AK2: variants seen among roughly 807,000 people sequenced by gnomAD.
AK2 encodes adenylate kinase 2.
Under a neutral mutation model 24.6 loss-of-function variants are expected in AK2, and 15 were observed. That is an observed-to-expected ratio of 0.61 (90% CI 0.41 to 0.94). The LOEUF is 0.94. AK2 is among the 40% of genes least tolerant of loss of function. The probability of loss-of-function intolerance (pLI) is 0.00; values close to 1 mark genes in which losing one functional copy is unlikely to be tolerated. For missense variants in AK2, 257 were observed against 304.1 expected, an observed-to-expected ratio of 0.85 and a Z score of 1.15; for synonymous variants, 102 against 114.0, an observed-to-expected ratio of 0.90 and a Z score of 0.67.
chr1:33,019,579 G>A lies in AK2; in HGVS notation c.425+1788C>T, dbSNP rs993671471. ...ACATTTGAAAAGAAAATGAATATAA[G>A]GTAGAGTCCACTGTATTTCATATCG... On this transcript the variant is annotated intron_variant, in intron 4 of 5. Coordinates refer to ENST00000672715, the MANE Select transcript of AK2 (RefSeq NM_001625.4). 3.1e-6 allele frequency: 3 copies of A among 973,346 alleles called. No individual in the cohort carries two copies. The African/African-American group carries it at 5.3e-5, about 17-fold the overall frequency. The allele number at this position is 973,346 out of a possible 1,614,324, so 60.3% of individuals were successfully genotyped here. A position where few individuals can be genotyped will look rare whatever the true frequency, so the allele number is the denominator to read the frequency against.
chr1:33,017,893 C>T (rs1440216741), intron 4 of AK2, among the ~76,000 whole-genome samples: 1 of 152,070 alleles, frequency 6.6e-6, no homozygotes, highest in Non-Finnish European at 1.5e-5. Flanking sequence ...TAGCTGGGAC[C>T]ACCACCGCAG....
chr1:33,011,535 C>T lies in AK2; in HGVS notation c.*1646G>A, dbSNP rs1402651668. ...GCAGATAAGACCTCTGGTAGTCTCA[C>T]AGATGGCAGGAGAGCTCAGGTCAGG... On this transcript the variant is annotated 3_prime_UTR_variant, in exon 6 of 6. Coordinates refer to ENST00000672715, the MANE Select transcript of AK2 (RefSeq NM_001625.4). 2.3e-6 allele frequency: 3 copies of T among 1,287,428 alleles called. No individual in the cohort carries two copies. The highest frequency in any genetic ancestry group is 3.0e-6 in the Non-Finnish European group (3 of 988,936). 79.8% of individuals were successfully genotyped at this position (1,287,428 alleles called of 1,614,324 possible). A position where few individuals can be genotyped will look rare whatever the true frequency, so the allele number is the denominator to read the frequency against.
intron 1 of AK2, among the ~76,000 whole-genome samples, chr1:33,027,805 G>C (rs1639993832): frequency 6.6e-6 from 1 of 151,992 alleles, no homozygotes; most frequent in Non-Finnish European, 1.5e-5. Context: ...ATTTCCTGCT[G>C]GCTGCCTGGG....
In AK2 at chr1:33,011,272, A is replaced by T. The variant is rs1638802770; in HGVS notation, c.*1909T>A. Reference sequence around the variant, plus strand: ...TGATGCCACTGTCACCCAGAGAAGGATCCCAGACCAGGCACACATAGCTGA... The same window carrying T: ...TGATGCCACTGTCACCCAGAGAAGGTTCCCAGACCAGGCACACATAGCTGA... On this transcript the variant is annotated 3_prime_UTR_variant, in exon 6 of 6. Transcript: ENST00000672715. 3.1e-6 allele frequency: 4 copies of T among 1,295,320 alleles called. No homozygotes were observed. Among genetic ancestry groups the T allele is most frequent in the Non-Finnish European group, 2.0e-6 (2 of 994,552 alleles). 80.2% of individuals were successfully genotyped at this position (1,295,320 alleles called of 1,614,324 possible).
At chr1:33,029,869 T>C (rs767658482) in intron 1 of AK2, among the ~76,000 whole-genome samples, 1 of 152,244 alleles carries the variant, frequency 6.6e-6, no homozygotes, top group Non-Finnish European at 1.5e-5. Context: ...CTCCAGTCTT[T>C]GTCACTCCTG....
In AK2 at chr1:33,009,268, A is replaced by C. The variant is rs1454983491; in HGVS notation, c.*3913T>G. The C allele has an allele frequency of 6.6e-6, 3 of 454,086 alleles. No homozygotes were observed. Among genetic ancestry groups the C allele is most frequent in the South Asian group, 4.7e-5 (3 of 64,476 alleles). The allele number at this position is 454,086 out of a possible 1,614,324, so 28.1% of individuals were successfully genotyped here. The stretch of plus-strand genomic sequence containing the variant: ...ACTTGCAAAGGCAGCCCTTCCAAAA[A>C]CATGAGAGCTTTAGTTTGGAGAAAT... On this transcript the variant is annotated 3_prime_UTR_variant, in exon 6 of 6. Transcript: ENST00000672715.
intron 4 of AK2, chr1:33,019,695 T>G: frequency 9.7e-7 from 1 of 1,026,160 alleles, no homozygotes; most frequent in Non-Finnish European, 1.2e-6. Context: ...GGAAAAGATG[T>G]TCAACCTCAT....
intron 1 of AK2, among the ~76,000 whole-genome samples, chr1:33,026,621 A>C (rs1639902011): frequency 6.6e-6 from 1 of 150,866 alleles, no homozygotes; most frequent in Non-Finnish European, 1.5e-5. Flanking sequence ...ATCCTGGCCA[A>C]CATGGTGAAA....
Position 33,008,205 on chromosome 1 carries a change from T to C in AK2, c.*4976A>G, listed in dbSNP as rs770198743. 1.1e-5 allele frequency: 5 copies of C among 454,210 alleles called. No homozygotes were observed. Among genetic ancestry groups the C allele is most frequent in the Non-Finnish European group, 2.2e-5 (5 of 227,016 alleles). 28.1% of individuals were successfully genotyped at this position (454,210 alleles called of 1,614,324 possible). On this transcript the variant is annotated 3_prime_UTR_variant, in exon 6 of 6. Transcript: ENST00000672715. Reference sequence around the variant, plus strand: ...TCCTGGGCAGTCCAACCCACATGAGTATCTTGGTCACTAGTGTCATCAGCA... The same window carrying C: ...TCCTGGGCAGTCCAACCCACATGAGCATCTTGGTCACTAGTGTCATCAGCA...
chr1:33,020,128 G>C, intron 4 of AK2: 1 of 1,534,798 alleles, frequency 6.5e-7, no homozygotes, highest in Non-Finnish European at 8.7e-7. Flanking sequence ...CAGAACAAAC[G>C]TGTCCAGAAG....
Position 33,011,472 on chromosome 1 carries a change from A to C in AK2, c.*1709T>G, listed in dbSNP as rs1174548427. ...CTTGGACCAGGCAAAGAGGGAAGCA[A>C]GGTGGCCAGGTACTCATGCCCAGTT... is the stretch of plus-strand genomic sequence containing the variant. On this transcript the variant is annotated 3_prime_UTR_variant, in exon 6 of 6. Coordinates refer to ENST00000672715, the MANE Select transcript of AK2 (RefSeq NM_001625.4). 2 of 1,287,414 alleles carry C rather than the reference A, an allele frequency of 1.6e-6. No homozygotes were observed. Among genetic ancestry groups the C allele is most frequent in the Admixed American group, 4.6e-5 (2 of 43,556 alleles). The allele number at this position is 1,287,414 out of a possible 1,614,324, so 79.7% of individuals were successfully genotyped here.
chr1:33,029,131 C>T (rs1382387316), intron 1 of AK2: 1 of 152,220 alleles, frequency 6.6e-6, no homozygotes, highest in Non-Finnish European at 1.5e-5. Context: ...GGCCTGACAA[C>T]TAGGAAATAA....
chr1:33,016,119 T>G (rs1038034236), intron 4 of AK2, among the ~76,000 whole-genome samples: 1 of 152,150 alleles, frequency 6.6e-6, no homozygotes, highest in Non-Finnish European at 1.5e-5. Context: ...AGGAGCCCCC[T>G]CTGTGGATAC....
At chr1:33,034,747 A>G (rs552831996) in intron 1 of AK2, among the ~76,000 whole-genome samples, 1 of 152,330 alleles carries the variant, frequency 6.6e-6, no homozygotes, top group Non-Finnish European at 1.5e-5. Flanking sequence ...ATTAACTTCA[A>G]TATGAGTTAA....
At position 33,034,491 on chromosome 1, in the gene AK2, TATC is replaced by T. The variant is rs575008183; in HGVS notation, c.93+2242_93+2244del. ...ACACACACACACACACACACACATA[TATC>T]ATAATTTTCCAGTATCATTGTGAAT... On this transcript the variant is annotated intron_variant, in intron 1 of 5. Coordinates refer to ENST00000672715, the MANE Select transcript of AK2 (RefSeq NM_001625.4). 3.0e-3 allele frequency among the ~76,000 whole-genome samples: 425 copies of T among 139,716 alleles called. 14 individuals are homozygous for T. The East Asian group carries it at 0.048, about 16-fold the overall frequency. The allele number at this position is 139,716 out of a possible 152,430, so 91.7% of individuals were successfully genotyped here.
At chr1:33,030,433 T>C (rs865843297) in intron 1 of AK2, among the ~76,000 whole-genome samples, 1 of 151,976 alleles carries the variant, frequency 6.6e-6, no homozygotes, top group Non-Finnish European at 1.5e-5. Context: ...CAGGTACTTA[T>C]AGTCCAGCTA....
In AK2 at chr1:33,015,184, C is replaced by T. The variant is rs185286583; in HGVS notation, c.426-590G>A. Among the ~76,000 whole-genome samples the T allele has an allele frequency of 1.6e-4, 25 of 152,286 alleles. No homozygotes were observed. In the East Asian group the frequency reaches 4.1e-3, roughly 25 times the overall value. On this transcript the variant is annotated intron_variant, in intron 4 of 5. Coordinates refer to ENST00000672715, the MANE Select transcript of AK2 (RefSeq NM_001625.4). ...ATAATTCCCATGGATGCAAACACTG[C>T]CAGATAATGGAACACATCTTTTCAA...
Position 33,013,217 on chromosome 1 carries a change from G to C in AK2, c.684C>G (p.Ser228=). 1 of 1,614,180 alleles carries C rather than the reference G, an allele frequency of 6.2e-7. No individual in the cohort carries two copies. The highest frequency in any genetic ancestry group is 8.5e-7 in the Non-Finnish European group (1 of 1,180,022). Residue 228 remains serine (S), a synonymous_variant, in exon 6 of 6, where the codon TCC becomes TCG. Coordinates refer to ENST00000672715, the MANE Select transcript of AK2 (RefSeq NM_001625.4). The stretch of plus-strand genomic sequence containing the variant: ...TAACCAAGTCTTTACATGTGGCTTT[G>C]GAGAAGGCTGCTAGGATGCTTGCGA... ...VVFASILAAF[S]KATCKDLVMF...
chr1:33,035,648 G>A (rs548218481), intron 1 of AK2, among the ~76,000 whole-genome samples: 46 of 152,316 alleles, frequency 3.0e-4, no homozygotes, highest in African/African-American at 9.9e-4. Context: ...AATCCGAAAT[G>A]AGATCATCGA....
Sources: gnomAD v4.1 joint callset for allele counts (sites outside exome capture counted in the v4.1 genomes callset) on GRCh38, gnomAD v4.1.1 for gene constraint, MANE v1.5 for transcripts, NCBI Gene and HGNC (gene_info 2026-07-23, HGNC 2026-07-21) for gene names.